The following BCKDHA variants were observed in gnomAD, a reference collection of about 807,000 sequenced individuals.
BCKDHA encodes 2-oxoisovalerate dehydrogenase subunit alpha, mitochondrial.
In BCKDHA, 43 loss-of-function variants were observed where a neutral mutation model predicts 52.2. The observed-to-expected ratio is 0.82, with a 90% confidence interval of 0.64 to 1.06. BCKDHA has a LOEUF of 1.06. Ranked by LOEUF, BCKDHA falls within the 50% of genes least tolerant of loss-of-function variation. The probability of loss-of-function intolerance (pLI) is 0.00; values close to 1 mark genes in which losing one functional copy is unlikely to be tolerated. For missense variants in BCKDHA, 527 were observed against 621.3 expected, an observed-to-expected ratio of 0.85 and a Z score of 1.61; for synonymous variants, 234 against 247.9, an observed-to-expected ratio of 0.94 and a Z score of 0.53.
intron 5 of BCKDHA, among the ~76,000 whole-genome samples, chr19:41,421,771 G>T (rs984034411): frequency 2.0e-5 from 3 of 152,108 alleles, no homozygotes; most frequent in African/African-American, 7.2e-5. Flanking sequence ...TCCGCGGGCT[G>T]CCCTGTGGAT....
intron 8 of BCKDHA, 68 bp from the exon 9 acceptor site, chr19:41,424,370 C>T: frequency 6.3e-7 from 1 of 1,588,064 alleles, no homozygotes; most frequent in Non-Finnish European, 8.6e-7. Flanking sequence ...TTGCCAAGGC[C>T]CCGCAGGAGG....
intron 8 of BCKDHA, among the ~76,000 whole-genome samples, chr19:41,423,460 C>T (rs1262415548): frequency 6.6e-6 from 1 of 152,250 alleles, no homozygotes; most frequent in South Asian, 2.1e-4. Flanking sequence ...TTTGGGAGGC[C>T]GAGGTGGCAG....
At chr19:41,413,138 A>T (rs182180297) in intron 3 of BCKDHA, among the ~76,000 whole-genome samples, 1 of 152,310 alleles carries the variant, frequency 6.6e-6, no homozygotes, top group Non-Finnish European at 1.5e-5. Context: ...TGTTCACAGC[A>T]TGGCTGCTGC....
intron 5 of BCKDHA, among the ~76,000 whole-genome samples, chr19:41,421,291 A>G (rs780602922): frequency 6.6e-6 from 1 of 151,986 alleles, no homozygotes; most frequent in East Asian, 1.9e-4. Context: ...TGGTGCTGCC[A>G]TTGTGGTGGG....
intron 6 of BCKDHA, 25 bp from the exon 7 acceptor site, chr19:41,422,604 A>G: frequency 1.2e-6 from 2 of 1,613,212 alleles, no homozygotes; most frequent in Non-Finnish European, 1.7e-6. Flanking sequence ...CCCTGGCCTG[A>G]CCTGCCTTCT....
chr19:41,412,600 A>G (rs1283339798), intron 3 of BCKDHA, among the ~76,000 whole-genome samples: 1 of 149,632 alleles, frequency 6.7e-6, no homozygotes, highest in African/African-American at 2.5e-5. Flanking sequence ...CTGGTCTCGA[A>G]CTCCCTACCT....
At chr19:41,402,187 A>G (rs1000244281) in intron 1 of BCKDHA, among the ~76,000 whole-genome samples, 8 of 152,110 alleles carry the variant, frequency 5.3e-5, no homozygotes, top group Admixed American at 6.6e-5. Context: ...CCATAATTCA[A>G]TTACCTCCCA....
chr19:41,397,887 T>A lies in BCKDHA; in HGVS notation c.60T>A (p.Ala20=), dbSNP rs751351926. 6.2e-7 allele frequency: 1 copy of A among 1,614,164 alleles called. No homozygotes were observed. Among genetic ancestry groups the A allele is most frequent in the Admixed American group, 1.7e-5 (1 of 60,018 alleles). Residue 20 remains alanine, a synonymous_variant, in exon 1 of 9, where the codon GCT becomes GCA. Transcript: ENST00000269980. The part of the protein sequence containing the change: ...VWRLNRGLSQ[A]ALLLLRQPGA... Reference sequence around the variant, plus strand: ...GGCTAAACCGTGGTTTGAGCCAGGCTGCCCTCCTGCTGCTGCGGCAGCCTG... The same window carrying A: ...GGCTAAACCGTGGTTTGAGCCAGGCAGCCCTCCTGCTGCTGCGGCAGCCTG...
At chr19:41,418,953 C>T (rs867181103) in intron 4 of BCKDHA, 182 bp from the exon 5 acceptor site, 2 of 671,090 alleles carry the variant, frequency 3.0e-6, no homozygotes, top group Middle Eastern at 2.6e-4. Context: ...TAGATTTCTG[C>T]TTTCTTTTGA....
At chr19:41,410,509 G>C in intron 1 of BCKDHA, 128 bp from the exon 2 acceptor site, 1 of 1,031,264 alleles carries the variant, frequency 9.7e-7, no homozygotes, top group East Asian at 2.6e-5. Context: ...GACCCTGTGA[G>C]TCAGGCCCCA....
chr19:41,417,161 G>A (rs1967333), intron 4 of BCKDHA, among the ~76,000 whole-genome samples: 88,220 of 151,598 alleles, frequency 0.58, 25,877 homozygotes, highest in Middle Eastern at 0.62. Context: ...ACAGGTGCAC[G>A]CCACCACACC....
Position 41,411,012 on chromosome 19 carries a change from G to A in BCKDHA, c.375+3G>A. ...TCCTCTATGAGTCTCAGCGGCAGGT[G>A]CGTGGGGACAGGACTAGGGGCGGGG... On this transcript the variant is annotated splice_donor_region_variant and intron_variant, in intron 3 of 8. Coordinates refer to ENST00000269980, the MANE Select transcript of BCKDHA (RefSeq NM_000709.4). 6.2e-7 allele frequency: 1 copy of A among 1,614,008 alleles called. No individual in the cohort carries two copies. Among genetic ancestry groups the A allele is most frequent in the East Asian group, 2.2e-5 (1 of 44,888 alleles).
In BCKDHA at chr19:41,424,630, C is replaced by A; in HGVS notation, c.*22C>A. 2 of 1,563,746 alleles carry A rather than the reference C, an allele frequency of 1.3e-6. No individual in the cohort carries two copies. Among genetic ancestry groups the A allele is most frequent in the Non-Finnish European group, 1.7e-6 (2 of 1,150,236 alleles). On this transcript the variant is annotated 3_prime_UTR_variant, in exon 9 of 9. Transcript: ENST00000269980. The stretch of plus-strand genomic sequence containing the variant: ...GTGAGACCTGCTCAGCCCACCCCCA[C>A]CCATCCTCAGCTACCCCGAGAGGTA...
intron 4 of BCKDHA, among the ~76,000 whole-genome samples, chr19:41,415,998 C>T (rs542517197): frequency 2.0e-5 from 3 of 148,684 alleles, no homozygotes; most frequent in Admixed American, 1.4e-4. Context: ...GGCTGGAGTA[C>T]GGTGGCGCAG....
At chr19:41,418,788 C>T (rs1010068011) in intron 4 of BCKDHA, 26 of 451,872 alleles carry the variant, frequency 5.8e-5, no homozygotes, top group East Asian at 5.4e-4. Context: ...GATCCTCCAA[C>T]GTCAGCCTCT....
rs749670330 is a variant in BCKDHA, at chr19:41,414,119, A to G, written c.446A>G (p.Asp149Gly). The G allele has an allele frequency of 1.9e-6, 3 of 1,613,730 alleles. No homozygotes were observed. In the South Asian group the frequency reaches 3.3e-5, roughly 18 times the overall value. Residue 149 changes from aspartate to glycine, a missense_variant, in exon 4 of 9, where the codon GAC (aspartate) becomes GGC (glycine). Asp to Gly is a moderately conservative substitution (Grantham distance 94, BLOSUM62 -1). Coordinates refer to ENST00000269980, the MANE Select transcript of BCKDHA (RefSeq NM_000709.4). ...CACGTGGGGAGTGCCGCCGCCCTGG[A>G]CAACACGGACCTGGTGTTTGGCCAG... ...GTHVGSAAAL[D>G]NTDLVFGQYR...
chr19:41,406,563 C>T (rs1013570238), intron 1 of BCKDHA, among the ~76,000 whole-genome samples: 1 of 151,532 alleles, frequency 6.6e-6, no homozygotes, highest in African/African-American at 2.4e-5. Context: ...GCCACCATTC[C>T]CAGCTAATTT....
At chr19:41,407,671 C>A (rs1267692432) in intron 1 of BCKDHA, among the ~76,000 whole-genome samples, 1 of 152,190 alleles carries the variant, frequency 6.6e-6, no homozygotes, top group East Asian at 1.9e-4. Flanking sequence ...ACTGAACATG[C>A]TACCCCGCTA....
chr19:41,423,808 G>T (rs2039396944), intron 8 of BCKDHA, among the ~76,000 whole-genome samples: 1 of 149,094 alleles, frequency 6.7e-6, no homozygotes, highest in Admixed American at 6.7e-5. Context: ...CTCCAGCCTG[G>T]GCAACGAGAG....
Sources: allele counts gnomAD v4.1 joint callset (sites outside exome capture counted in the v4.1 genomes callset), GRCh38; gene constraint gnomAD v4.1.1; transcripts MANE v1.5; gene names NCBI Gene and HGNC (gene_info 2026-07-23, HGNC 2026-07-21).